Variants in ADGRB3 observed in about 807,000 individuals in gnomAD.
ADGRB3 encodes brain-specific angiogenesis inhibitor 3.
Under a neutral mutation model 193.4 loss-of-function variants are expected in ADGRB3, and 37 were observed. The observed-to-expected ratio is 0.19, with a 90% CI of 0.15 to 0.25. The LOEUF is 0.25. ADGRB3 is among the 10% of genes least tolerant of loss of function. The probability of loss-of-function intolerance (pLI) is 1.00; values close to 1 mark genes in which losing one functional copy is unlikely to be tolerated. For missense variants in ADGRB3, 1,637 were observed against 1,852.9 expected (o/e 0.88, Z 2.14); for synonymous variants, 690 against 644.2 (o/e 1.07, Z -1.08).
At chr6:69,047,776 C>T (rs1771279086) in intron 13 of ADGRB3, among the ~76,000 whole-genome samples, 2 of 152,198 alleles carry the variant, frequency 1.3e-5, no homozygotes, top group African/African-American at 4.8e-5. Flanking sequence ...AAAATTTCTT[C>T]TTAAGACAAA....
intron 3 of ADGRB3, among the ~76,000 whole-genome samples, chr6:68,677,076 A>T (rs529535160): frequency 1.3e-5 from 2 of 152,196 alleles, no homozygotes; most frequent in African/African-American, 2.4e-5. Context: ...TTTGACAGAG[A>T]TATACATAAA....
intron 3 of ADGRB3, among the ~76,000 whole-genome samples, chr6:68,703,355 C>A (rs1352039823): frequency 6.6e-6 from 1 of 152,056 alleles, no homozygotes; most frequent in African/African-American, 2.4e-5. Flanking sequence ...AAGCTACTAC[C>A]ATTGTGTGGG....
At position 68,936,629 on chromosome 6, in the gene ADGRB3, A is replaced by C; in HGVS notation, c.979A>C (p.Ser327Arg). 1 of 1,613,892 alleles carries C rather than the reference A, an allele frequency of 6.2e-7. No individual in the cohort carries two copies. Among genetic ancestry groups the C allele is most frequent in the South Asian group, 1.1e-5 (1 of 91,028 alleles). Residue 327 changes from serine (S) to arginine (R), a missense_variant, in exon 5 of 32, where the codon AGC (serine) becomes CGC (arginine). Coordinates refer to ENST00000370598, the MANE Select transcript of ADGRB3 (RefSeq NM_001704.3). ...TGTATCACCTTACGGGACACACTGC[A>C]GCGGCCCATTAAGAGAATCAAGGGT... is the stretch of plus-strand genomic sequence containing the variant. ...TCVSPYGTHC[S>R]GPLRESRVCN...
At chr6:69,054,736 C>A (rs1021778924) in intron 15 of ADGRB3, among the ~76,000 whole-genome samples, 1 of 152,102 alleles carries the variant, frequency 6.6e-6, no homozygotes, top group African/African-American at 2.4e-5. Context: ...TTTTAAAATT[C>A]TAGATTCTAC....
At chr6:68,882,080 G>A (rs1400753497) in intron 3 of ADGRB3, among the ~76,000 whole-genome samples, 1 of 152,002 alleles carries the variant, frequency 6.6e-6, no homozygotes, top group African/African-American at 2.4e-5. Context: ...TTCTCTTAAA[G>A]GTTATTTGAC....
At chr6:69,332,468 C>T (rs1319046917) in intron 23 of ADGRB3, 2 of 985,228 alleles carry the variant, frequency 2.0e-6, no homozygotes, top group Admixed American at 1.2e-4. Flanking sequence ...GCATTCTGTC[C>T]TCTGTGTTGG....
At chr6:69,074,537 CTTTT>C (rs956596624) in intron 16 of ADGRB3, among the ~76,000 whole-genome samples, 4 of 115,884 alleles carry the variant, frequency 3.5e-5, no homozygotes, top group Admixed American at 8.8e-5. Flanking sequence ...CAGGACTGTA[CTTTT>C]TTTTTTTTTT....
At chr6:68,897,747 A>G (rs1459149749) in intron 3 of ADGRB3, among the ~76,000 whole-genome samples, 1 of 10,848 alleles carries the variant, frequency 9.2e-5, no homozygotes, top group African/African-American at 2.6e-4. Context: ...AAGAGGAAGG[A>G]AGGGAGGGAG....
intron 3 of ADGRB3, among the ~76,000 whole-genome samples, chr6:68,914,219 G>C (rs1211677031): frequency 7.3e-5 from 11 of 150,192 alleles, no homozygotes; most frequent in Non-Finnish European, 1.5e-4. Context: ...CTCGAGAAGA[G>C]CAACTCCAAG....
intron 3 of ADGRB3, among the ~76,000 whole-genome samples, chr6:68,651,525 C>A (rs1222098902): frequency 1.3e-5 from 2 of 152,104 alleles, no homozygotes; most frequent in Non-Finnish European, 2.9e-5. Context: ...TTGCCTCTGG[C>A]CTCTGTGTTC....
chr6:68,720,970 G>C (rs941435166), intron 3 of ADGRB3, among the ~76,000 whole-genome samples: 3 of 151,482 alleles, frequency 2.0e-5, no homozygotes, highest in African/African-American at 7.3e-5. Context: ...CTTCAAAATG[G>C]GCGAGATATA....
rs1010427492 is a variant in ADGRB3 at position 69,021,895 on chromosome 6, A to C, written c.2107+3396A>C. Among the ~76,000 whole-genome samples, 3 of 152,038 alleles carry C rather than the reference A, an allele frequency of 2.0e-5. No individual in the cohort carries two copies. In the East Asian group the frequency reaches 5.8e-4, roughly 29 times the overall value. On this transcript the variant is annotated intron_variant, in intron 13 of 31. Transcript: ENST00000370598. ...TTTTGGTATATATGTGTGCATGTAC[A>C]TTTTTATAGGGAGCATGTTCATAGC...
In ADGRB3 at chr6:69,320,348, G is replaced by A. The variant is rs1768419463; in HGVS notation, c.2815-4524G>A. On this transcript the variant is annotated intron_variant, in intron 20 of 31. Transcript: ENST00000370598. Reference sequence around the variant, plus strand: ...TTATTTTCTTTTTTAAACTATTTATGTATTTATTTATTTTTAACTATTATT... The same window carrying A: ...TTATTTTCTTTTTTAAACTATTTATATATTTATTTATTTTTAACTATTATT... Among the ~76,000 whole-genome samples, 3 of 151,100 alleles carry A rather than the reference G, an allele frequency of 2.0e-5. No homozygotes were observed. The South Asian group carries it at 6.3e-4, about 31-fold the overall frequency.
At chr6:69,357,686 A>G (rs1769364145) in intron 28 of ADGRB3, among the ~76,000 whole-genome samples, 1 of 151,832 alleles carries the variant, frequency 6.6e-6, no homozygotes, top group Admixed American at 6.6e-5. Context: ...TCATTCCTGG[A>G]TTTAATCTAA....
At chr6:68,737,832 A>G (rs1232776035) in intron 3 of ADGRB3, among the ~76,000 whole-genome samples, 1 of 152,204 alleles carries the variant, frequency 6.6e-6, no homozygotes, top group Non-Finnish European at 1.5e-5. Flanking sequence ...CCGGGCAGGT[A>G]CTACTTCAGG....
chr6:68,784,305 C>A (rs1280872423), intron 3 of ADGRB3, among the ~76,000 whole-genome samples: 1 of 152,078 alleles, frequency 6.6e-6, no homozygotes, highest in South Asian at 2.1e-4. Context: ...GTTACTTTTA[C>A]ACTTGATTTA....
chr6:69,175,266 ATT>A (rs978268108), intron 17 of ADGRB3, among the ~76,000 whole-genome samples: 61 of 152,070 alleles, frequency 4.0e-4, no homozygotes, highest in African/African-American at 1.4e-3. Context: ...TTCTAGAAGA[ATT>A]TAGGTCTTAC....
chr6:69,343,282 C>A (rs1769019315), intron 26 of ADGRB3, among the ~76,000 whole-genome samples: 1 of 151,044 alleles, frequency 6.6e-6, no homozygotes, highest in Non-Finnish European at 1.5e-5. Flanking sequence ...GCGCTGCACC[C>A]ACTAACTCGT....
At chr6:68,905,268 C>G (rs191695100) in intron 3 of ADGRB3, among the ~76,000 whole-genome samples, 6 of 152,244 alleles carry the variant, frequency 3.9e-5, no homozygotes, top group African/African-American at 1.4e-4. Flanking sequence ...TATAAGGTCA[C>G]CTAATCAATT....
Sources: allele counts gnomAD v4.1 joint callset (sites outside exome capture counted in the v4.1 genomes callset), GRCh38; gene constraint gnomAD v4.1.1; transcripts MANE v1.5; gene names NCBI Gene and HGNC (gene_info 2026-07-23, HGNC 2026-07-21).